Variants in PLPP4 observed in about 807,000 individuals in gnomAD.
PLPP4 encodes phospholipid phosphatase 4.
In PLPP4, 20 loss-of-function variants were observed where a neutral mutation model predicts 32.2. That is an observed-to-expected ratio of 0.62 (90% CI 0.44 to 0.90). The LOEUF is 0.90. Among genes scored for constraint, PLPP4 ranks in the 40% least tolerant of loss-of-function variants. The pLI is 0.00. For missense variants in PLPP4, 257 were observed against 353.1 expected (o/e 0.73, Z 2.18); for synonymous variants, 127 against 133.0 (o/e 0.95, Z 0.31).
intron 1 of PLPP4, among the ~76,000 whole-genome samples, chr10:120,472,090 A>C (rs1325921172): frequency 6.6e-6 from 1 of 152,030 alleles, no homozygotes; most frequent in Non-Finnish European, 1.5e-5. Flanking sequence ...AAAACATTTA[A>C]ATTATTTTTA....
In PLPP4 at chr10:120,467,344, C is replaced by G. The variant is rs570649301; in HGVS notation, c.56+9983C>G. Reference sequence around the variant, plus strand: ...TTACCTCGTGATCTGCCCGCCTCAGCCTCCCAAAGTGCTGGGATTACAGGC... The same window carrying G: ...TTACCTCGTGATCTGCCCGCCTCAGGCTCCCAAAGTGCTGGGATTACAGGC... On this transcript the variant is annotated intron_variant, in intron 1 of 6. Transcript: ENST00000398250. Among the ~76,000 whole-genome samples, 199 of 64,512 alleles carry G rather than the reference C, an allele frequency of 3.1e-3. 82 individuals carry two copies. In the South Asian group the frequency reaches 0.079, roughly 26 times the overall value. The allele number at this position is 64,512 out of a possible 152,430, so 42.3% of individuals were successfully genotyped here. A position where few individuals can be genotyped will look rare whatever the true frequency, so the allele number is the denominator to read the frequency against.
intron 5 of PLPP4, among the ~76,000 whole-genome samples, chr10:120,561,353 A>G (rs1848424203): frequency 6.6e-6 from 1 of 152,140 alleles, no homozygotes; most frequent in Admixed American, 6.5e-5. Context: ...TTTTTTTTCC[A>G]TATGGATACC....
At position 120,567,116 on chromosome 10, in the gene PLPP4, C is replaced by T. The variant is rs112322037; in HGVS notation, c.446-8015C>T. 3.6e-3 allele frequency among the ~76,000 whole-genome samples: 546 copies of T among 152,146 alleles called. 3 individuals are homozygous for T. Among genetic ancestry groups the T allele is most frequent in the African/African-American group, 0.013 (525 of 41,510 alleles). On this transcript the variant is annotated intron_variant, in intron 5 of 6. Coordinates refer to ENST00000398250, the MANE Select transcript of PLPP4 (RefSeq NM_001030059.3). The stretch of plus-strand genomic sequence containing the variant: ...TTAATTTTTCTCTGTGTCAACATAG[C>T]GGCATGTTTAAAAGATTGTTTTAAT...
At chr10:120,477,640 G>A (rs969936638) in intron 1 of PLPP4, among the ~76,000 whole-genome samples, 1 of 152,200 alleles carries the variant, frequency 6.6e-6, no homozygotes, top group South Asian at 2.1e-4. Flanking sequence ...AGAAGTCTGG[G>A]TGTCATTTCC....
At chr10:120,559,230 A>T (rs1356407167) in intron 5 of PLPP4, among the ~76,000 whole-genome samples, 1 of 152,018 alleles carries the variant, frequency 6.6e-6, no homozygotes, top group Non-Finnish European at 1.5e-5. Context: ...GGTTTTAAAA[A>T]TATTATGGAT....
At chr10:120,465,684 T>A (rs1323346640) in intron 1 of PLPP4, among the ~76,000 whole-genome samples, 2 of 152,220 alleles carry the variant, frequency 1.3e-5, no homozygotes, top group African/African-American at 4.8e-5. Context: ...TTCATTCAGT[T>A]CAACCTAAAA....
At chr10:120,582,711 C>A (rs1265099469) in intron 6 of PLPP4, among the ~76,000 whole-genome samples, 3 of 151,650 alleles carry the variant, frequency 2.0e-5, no homozygotes, top group Non-Finnish European at 4.4e-5. Flanking sequence ...TCTACAAGTT[C>A]TTTCCTTTTA....
intron 2 of PLPP4, among the ~76,000 whole-genome samples, chr10:120,504,567 A>G (rs767626368): frequency 2.6e-5 from 4 of 152,252 alleles, no homozygotes; most frequent in Non-Finnish European, 4.4e-5. Flanking sequence ...AACAGTTGAT[A>G]GGAGGCTTTA....
At chr10:120,567,193 G>A (rs1848730752) in intron 5 of PLPP4, among the ~76,000 whole-genome samples, 1 of 152,150 alleles carries the variant, frequency 6.6e-6, no homozygotes, top group African/African-American at 2.4e-5. Context: ...CTGCTACACT[G>A]CTAGAAATAG....
At chr10:120,538,040 CTCTCTCTCTCTCTGTG>C (rs1564825128) in intron 5 of PLPP4, among the ~76,000 whole-genome samples, 24 of 46,740 alleles carry the variant, frequency 5.1e-4, no homozygotes, top group African/African-American at 1.7e-3. Context: ...CTCTCTCTCT[CTCTCTCTCTCTCTGTG>C]TGTGTGTGTG....
chr10:120,587,488 A>G (rs1482759288), intron 6 of PLPP4: 2 of 152,248 alleles, frequency 1.3e-5, no homozygotes, highest in Non-Finnish European at 2.9e-5. Context: ...AATTACATGC[A>G]TGAAATTACT....
chr10:120,575,383 G>C, intron 6 of PLPP4, 82 bp downstream of exon 6: 5 of 1,447,968 alleles, frequency 3.5e-6, no homozygotes, highest in Non-Finnish European at 4.7e-6. Context: ...TGCACCAATT[G>C]TGGGGAGCTA....
intron 6 of PLPP4, among the ~76,000 whole-genome samples, chr10:120,580,133 AAAAAAAG>A (rs2134069164): frequency 1.4e-5 from 2 of 139,868 alleles, no homozygotes; most frequent in Admixed American, 7.3e-5. Flanking sequence ...AAAAAAAAAA[AAAAAAAG>A]GAAAGAAAGA....
At chr10:120,538,059 T>TGG in intron 5 of PLPP4, among the ~76,000 whole-genome samples, 1 of 117,280 alleles carries the variant, frequency 8.5e-6, no homozygotes, top group Admixed American at 9.4e-5. Flanking sequence ...TCTCTGTGTG[T>TGG]GTGTGTGTGT....
chr10:120,589,159 G>A (rs1849900567), intron 6 of PLPP4, 144 bp from the exon 7 acceptor site: 1 of 705,240 alleles, frequency 1.4e-6, no homozygotes, highest in Admixed American at 2.5e-5. Context: ...CCACCACTGT[G>A]GTTTCTTTCC....
chr10:120,531,655 A>G (rs1317065511), intron 5 of PLPP4, among the ~76,000 whole-genome samples: 1 of 152,026 alleles, frequency 6.6e-6, no homozygotes, highest in African/African-American at 2.4e-5. Context: ...ATCAGTATTC[A>G]TGTATTCAGC....
intron 6 of PLPP4, among the ~76,000 whole-genome samples, chr10:120,586,386 C>T (rs1036546600): frequency 2.0e-5 from 3 of 151,018 alleles, no homozygotes; most frequent in African/African-American, 2.4e-5. Flanking sequence ...TCAGTCAGTT[C>T]GCCCTCCTTG....
intron 1 of PLPP4, among the ~76,000 whole-genome samples, chr10:120,503,277 T>C (rs1845348051): frequency 6.6e-6 from 1 of 152,168 alleles, no homozygotes; most frequent in African/African-American, 2.4e-5. Context: ...CAGGTAAAGA[T>C]TGGCTGGAGA....
At chr10:120,527,148 A>G (rs1418999751) in intron 5 of PLPP4, among the ~76,000 whole-genome samples, 3 of 152,174 alleles carry the variant, frequency 2.0e-5, no homozygotes, top group African/African-American at 7.2e-5. Context: ...TCATGTATCT[A>G]TCTTAGCAAT....
Sources: allele counts gnomAD v4.1 joint callset (sites outside exome capture counted in the v4.1 genomes callset), GRCh38; gene constraint gnomAD v4.1.1; transcripts MANE v1.5; gene names NCBI Gene and HGNC (gene_info 2026-07-23, HGNC 2026-07-21).